The following KHDRBS3 variants were observed in gnomAD, a reference collection of about 807,000 sequenced individuals.
KHDRBS3 encodes the protein KH RNA binding domain containing, signal transduction associated 3.
KHDRBS3 carries 23 observed loss-of-function variants against 45.6 expected under a neutral mutation model. That is an observed-to-expected ratio of 0.50 (90% CI 0.36 to 0.72). KHDRBS3 has a LOEUF of 0.72. Among genes scored for constraint, KHDRBS3 ranks in the 30% least tolerant of loss-of-function variants. The pLI, the probability that KHDRBS3 is intolerant of heterozygous loss-of-function variation, is 0.00. For missense variants in KHDRBS3, 352 were observed against 424.8 expected (o/e 0.83, Z 1.51); for synonymous variants, 162 against 156.5 (o/e 1.04, Z -0.26).
chr8:135,587,031 A>G (rs921011358), intron 6 of KHDRBS3, among the ~76,000 whole-genome samples: 5 of 152,196 alleles, frequency 3.3e-5, no homozygotes, highest in African/African-American at 9.6e-5. Context: ...AGTCAACGGT[A>G]TCTGTTCTAG....
chr8:135,495,752 C>T (rs1368124664), intron 1 of KHDRBS3, among the ~76,000 whole-genome samples: 2 of 152,034 alleles, frequency 1.3e-5, no homozygotes, highest in African/African-American at 4.8e-5. Flanking sequence ...AGTGCCAGGT[C>T]TATGGGCCAT....
chr8:135,562,194 G>A (rs1363092311), intron 5 of KHDRBS3, among the ~76,000 whole-genome samples: 5 of 152,078 alleles, frequency 3.3e-5, no homozygotes, highest in Admixed American at 2.6e-4. Flanking sequence ...TTCCACTCAT[G>A]GTAAGTGCCC....
chr8:135,491,668 G>A (rs531064617), intron 1 of KHDRBS3, among the ~76,000 whole-genome samples: 1 of 152,274 alleles, frequency 6.6e-6, no homozygotes, highest in Non-Finnish European at 1.5e-5. Flanking sequence ...ATAGATTAGC[G>A]CAGTGGTTCT....
At chr8:135,574,370 G>A (rs1827855774) in intron 5 of KHDRBS3, among the ~76,000 whole-genome samples, 1 of 152,120 alleles carries the variant, frequency 6.6e-6, no homozygotes, top group Admixed American at 6.5e-5. Context: ...TTATAGATAA[G>A]CGTCCAGAAC....
downstream of KHDRBS3, among the ~76,000 whole-genome samples, chr8:135,651,301 T>TTA (rs199522396): frequency 6.9e-3 from 1,025 of 149,414 alleles, 2 homozygotes; most frequent in Non-Finnish European, 0.011. Context: ...ATATATATAT[T>TTA]TATATATATA....
intron 5 of KHDRBS3, among the ~76,000 whole-genome samples, chr8:135,558,783 T>A (rs1827021290): frequency 6.6e-6 from 1 of 152,162 alleles, no homozygotes; most frequent in Non-Finnish European, 1.5e-5. Context: ...CACAGATTTT[T>A]TTTTTTGGCT....
intron 1 of KHDRBS3, among the ~76,000 whole-genome samples, chr8:135,487,218 C>T (rs1044144718): frequency 1.3e-5 from 2 of 152,114 alleles, no homozygotes; most frequent in Non-Finnish European, 2.9e-5. Context: ...TTTAACAGCT[C>T]AATAAATGAA....
intron 8 of KHDRBS3, among the ~76,000 whole-genome samples, chr8:135,646,569 T>G (rs1831296814): frequency 6.6e-6 from 1 of 152,198 alleles, no homozygotes; most frequent in South Asian, 2.1e-4. Context: ...TCACAGATGT[T>G]TACCTATGTT....
intron 6 of KHDRBS3, among the ~76,000 whole-genome samples, chr8:135,588,796 A>G (rs1004005939): frequency 6.6e-6 from 1 of 152,136 alleles, no homozygotes; most frequent in African/African-American, 2.4e-5. Context: ...TATCAAAACT[A>G]CCAAATCTAA....
intron 1 of KHDRBS3, among the ~76,000 whole-genome samples, chr8:135,486,905 A>G (rs1822891630): frequency 6.6e-6 from 1 of 152,232 alleles, no homozygotes; most frequent in Non-Finnish European, 1.5e-5. Context: ...ATACGTGTTT[A>G]AAAGACCCTT....
At chr8:135,554,064 T>A (rs1372649000) in intron 4 of KHDRBS3, among the ~76,000 whole-genome samples, 1 of 152,184 alleles carries the variant, frequency 6.6e-6, no homozygotes, top group East Asian at 1.9e-4. Context: ...TTTAAAAAAT[T>A]GTCTACAATC....
intron 7 of KHDRBS3, among the ~76,000 whole-genome samples, chr8:135,620,238 C>T (rs972566464): frequency 2.0e-5 from 3 of 152,054 alleles, no homozygotes; most frequent in African/African-American, 7.2e-5. Context: ...GCCACTGTCA[C>T]TTTACTCTTT....
intron 4 of KHDRBS3, among the ~76,000 whole-genome samples, chr8:135,551,457 T>C (rs886164966): frequency 3.3e-5 from 5 of 152,218 alleles, no homozygotes; most frequent in Non-Finnish European, 7.3e-5. Flanking sequence ...CATGAATAAA[T>C]GTATAAACAT....
intron 1 of KHDRBS3, among the ~76,000 whole-genome samples, chr8:135,512,697 A>T (rs1824365338): frequency 6.6e-6 from 1 of 152,234 alleles, no homozygotes; most frequent in Admixed American, 6.5e-5. Context: ...TGCAGCCATT[A>T]TCCTAAATCA....
intron 6 of KHDRBS3, 37 bp downstream of exon 6, chr8:135,582,110 G>C (rs1273764202): frequency 1.3e-6 from 2 of 1,483,320 alleles, no homozygotes; most frequent in African/African-American, 2.8e-5. Flanking sequence ...TTGTTCATCA[G>C]ATTGACTTAA....
At chr8:135,651,270 C>G (rs938505738), downstream of KHDRBS3, among the ~76,000 whole-genome samples, 3 of 151,280 alleles carry the variant, frequency 2.0e-5, no homozygotes, top group Non-Finnish European at 4.4e-5. Flanking sequence ...AGGTTCCCCA[C>G]TTATAAAATA....
chr8:135,525,293 G>A (rs1025876425), intron 2 of KHDRBS3, among the ~76,000 whole-genome samples: 5 of 152,062 alleles, frequency 3.3e-5, no homozygotes, highest in South Asian at 2.1e-4. Flanking sequence ...TTTTTGTCAC[G>A]TGATTCAGAG....
intron 4 of KHDRBS3, chr8:135,549,617 A>G (rs1360805916): frequency 6.6e-6 from 1 of 152,202 alleles, no homozygotes; most frequent in East Asian, 1.9e-4. Flanking sequence ...TTATTATGTC[A>G]TTTGCATGCT....
At chr8:135,599,996 C>G (rs1383664353) in intron 6 of KHDRBS3, among the ~76,000 whole-genome samples, 4 of 144,152 alleles carry the variant, frequency 2.8e-5, no homozygotes, top group Non-Finnish European at 6.2e-5. Context: ...GCAGGCACCT[C>G]CCTCACAGCA....
Sources: gnomAD v4.1 joint callset for allele counts (sites outside exome capture counted in the v4.1 genomes callset) on GRCh38, gnomAD v4.1.1 for gene constraint, MANE v1.5 for transcripts, NCBI Gene and HGNC (gene_info 2026-07-23, HGNC 2026-07-21) for gene names.